PCSK6: variants seen among roughly 807,000 people sequenced by gnomAD.
The protein encoded by PCSK6 is proprotein convertase subtilisin/kexin type 6.
A neutral mutation model predicts 123.3 loss-of-function variants in PCSK6; 85 were observed. The observed-to-expected ratio is 0.69, with a 90% confidence interval of 0.58 to 0.83. The LOEUF (loss-of-function observed/expected upper bound fraction) is 0.83, where lower values mean the gene tolerates loss of function less well. Ranked by LOEUF, PCSK6 falls within the 40% of genes least tolerant of loss-of-function variation. The probability of loss-of-function intolerance (pLI) is 0.00; values close to 1 mark genes in which losing one functional copy is unlikely to be tolerated. For synonymous variants in PCSK6, 508 were observed against 516.0 expected, an observed-to-expected ratio of 0.98 and a Z score of 0.21; for missense variants, 1,191 against 1,282.3, an observed-to-expected ratio of 0.93 and a Z score of 1.09.
intron 1 of PCSK6, among the ~76,000 whole-genome samples, chr15:101,458,769 C>T (rs940926562): frequency 1.3e-5 from 2 of 152,208 alleles, no homozygotes; most frequent in African/African-American, 2.4e-5. Flanking sequence ...CTCTCTGCGA[C>T]GCGTCTAATT....
In PCSK6 at chr15:101,313,097, C is replaced by T. The variant is rs949404879; in HGVS notation, c.2699+279G>A. ...GAGCGCGACATGGGCAGGGACGTCC[C>T]GCGTAGTCCACCAATGGGGTGTGAG... On this transcript the variant is annotated intron_variant, in intron 20 of 21. Coordinates refer to ENST00000611716, the MANE Select transcript of PCSK6 (RefSeq NM_002570.5). 4.0e-5 allele frequency: 55 copies of T among 1,375,886 alleles called. 1 individual carries two copies. The highest frequency in any genetic ancestry group is 3.3e-4 in the Admixed American group (12 of 35,832). The allele number at this position is 1,375,886 out of a possible 1,614,324, so 85.2% of individuals were successfully genotyped here.
At chr15:101,384,543 G>T in intron 9 of PCSK6, 118 bp from the exon 10 acceptor site, 1 of 663,540 alleles carries the variant, frequency 1.5e-6, no homozygotes, top group Non-Finnish European at 2.5e-6. Flanking sequence ...AGCCCCTCAG[G>T]CTAAGGACTG....
intron 13 of PCSK6, among the ~76,000 whole-genome samples, chr15:101,346,123 G>A (rs780289443): frequency 2.0e-5 from 3 of 152,194 alleles, no homozygotes; most frequent in African/African-American, 4.8e-5. Context: ...CAACTATTTC[G>A]AAAAGCAAAT....
intron 7 of PCSK6, among the ~76,000 whole-genome samples, chr15:101,397,154 G>C (rs1358500322): frequency 6.6e-6 from 1 of 152,294 alleles, no homozygotes; most frequent in African/African-American, 2.4e-5. Flanking sequence ...GCAGGGCTAG[G>C]GGTCTCCTGA....
chr15:101,363,634 C>T (rs1375883367), intron 13 of PCSK6, among the ~76,000 whole-genome samples: 5 of 140,148 alleles, frequency 3.6e-5, no homozygotes, highest in Admixed American at 3.5e-4. Context: ...TGTTATAACA[C>T]TTTTTTTTTT....
At chr15:101,470,130 G>A (rs2057570369) in intron 1 of PCSK6, among the ~76,000 whole-genome samples, 1 of 152,182 alleles carries the variant, frequency 6.6e-6, no homozygotes, top group Non-Finnish European at 1.5e-5. Context: ...TACACAGGAG[G>A]TGAGGTACTG....
At chr15:101,440,094 G>A (rs76236149) in intron 2 of PCSK6, among the ~76,000 whole-genome samples, 19 of 152,200 alleles carry the variant, frequency 1.2e-4, no homozygotes, top group Admixed American at 3.3e-4. Context: ...ATTGGTCGAC[G>A]CTTCTGTAAT....
chr15:101,389,832 T>G (rs549888216), intron 8 of PCSK6, among the ~76,000 whole-genome samples: 1 of 152,164 alleles, frequency 6.6e-6, no homozygotes, highest in Non-Finnish European at 1.5e-5. Context: ...ATAGATCAGC[T>G]GGTTCCCTCT....
At chr15:101,448,612 T>C (rs1325636934) in intron 1 of PCSK6, among the ~76,000 whole-genome samples, 1 of 152,238 alleles carries the variant, frequency 6.6e-6, no homozygotes, top group Non-Finnish European at 1.5e-5. Context: ...TTCATTTTCA[T>C]AACAACTGTA....
intron 1 of PCSK6, among the ~76,000 whole-genome samples, chr15:101,460,278 C>T (rs573587955): frequency 4.3e-4 from 66 of 152,324 alleles, no homozygotes; most frequent in Non-Finnish European, 7.9e-4. Flanking sequence ...CTGGTCCCTG[C>T]CCCAGCCTTT....
rs561026064 is a variant in PCSK6 at position 101,330,346 on chromosome 15, A to G, written c.2077+1305T>C. ...TTCTTGGCAACTGCTCTCTTGCCCA[A>G]AGAGTCCAGGTGCAGCCTCCACTGG... is the stretch of plus-strand genomic sequence containing the variant. On this transcript the variant is annotated intron_variant, in intron 15 of 21. Coordinates refer to ENST00000611716, the MANE Select transcript of PCSK6 (RefSeq NM_002570.5). Among the ~76,000 whole-genome samples, 9 of 152,292 alleles carry G rather than the reference A, an allele frequency of 5.9e-5. No individual in the cohort carries two copies. In the South Asian group the frequency reaches 1.2e-3, roughly 21 times the overall value.
intron 1 of PCSK6, among the ~76,000 whole-genome samples, chr15:101,458,495 G>A (rs989817589): frequency 1.7e-4 from 26 of 152,098 alleles, no homozygotes; most frequent in African/African-American, 6.3e-4. Flanking sequence ...GAGGGCCCTT[G>A]GTACAGACTC....
At chr15:101,385,321 C>A (rs760940747) in intron 9 of PCSK6, among the ~76,000 whole-genome samples, 4 of 152,112 alleles carry the variant, frequency 2.6e-5, no homozygotes, top group Non-Finnish European at 4.4e-5. Flanking sequence ...CCTGGCCCAC[C>A]TTTTTCTTTT....
At chr15:101,315,384 C>T (rs1003046324) in intron 19 of PCSK6, among the ~76,000 whole-genome samples, 2 of 152,208 alleles carry the variant, frequency 1.3e-5, no homozygotes, top group Non-Finnish European at 1.5e-5. Flanking sequence ...CAGTGAAAGT[C>T]TTTTAAGGAT....
At chr15:101,361,162 C>CTTTTTTTTTTTTTTTTTTTTT (rs1567164681) in intron 13 of PCSK6, among the ~76,000 whole-genome samples, 1 of 120,012 alleles carries the variant, frequency 8.3e-6, no homozygotes, top group Non-Finnish European at 1.7e-5. Context: ...TTCTTTCTCT[C>CTTTTTTTTTTTTTTTTTTTTT]TCTTTTTTTT....
chr15:101,367,499 G>A (rs2041436303), intron 12 of PCSK6, among the ~76,000 whole-genome samples: 1 of 152,176 alleles, frequency 6.6e-6, no homozygotes, highest in Non-Finnish European at 1.5e-5. Flanking sequence ...AAGAGTGAGG[G>A]GGAAGCATCC....
At chr15:101,370,637 C>CA in intron 11 of PCSK6, 114 bp from the exon 12 acceptor site, 2 of 983,400 alleles carry the variant, frequency 2.0e-6, no homozygotes, top group Non-Finnish European at 2.7e-6. Flanking sequence ...CAGGGCCCTG[C>CA]GGGCCCCGGG....
chr15:101,475,319 G>A (rs1036563990), intron 1 of PCSK6, among the ~76,000 whole-genome samples: 7 of 152,188 alleles, frequency 4.6e-5, no homozygotes, highest in African/African-American at 1.7e-4. Context: ...ACTCTGAACA[G>A]TGTTCAATGA....
chr15:101,350,205 C>G (rs1457253027), intron 13 of PCSK6, among the ~76,000 whole-genome samples: 1 of 152,160 alleles, frequency 6.6e-6, no homozygotes, highest in African/African-American at 2.4e-5. Flanking sequence ...CGCACCTGGC[C>G]TTTAGTTTAT....
Sources: allele counts gnomAD v4.1 joint callset (sites outside exome capture counted in the v4.1 genomes callset), GRCh38; gene constraint gnomAD v4.1.1; transcripts MANE v1.5; gene names NCBI Gene and HGNC (gene_info 2026-07-23, HGNC 2026-07-21).